FOXP1: variants seen among roughly 807,000 people sequenced by gnomAD.
The protein encoded by FOXP1 is forkhead box P1, also known as forkhead box protein P1.
FOXP1 carries 15 observed loss-of-function variants against 98.2 expected under a neutral mutation model. The observed-to-expected ratio is 0.15, with a 90% CI of 0.10 to 0.24. The LOEUF (loss-of-function observed/expected upper bound fraction) is 0.24, where lower values mean the gene tolerates loss of function less well. Ranked by LOEUF, FOXP1 falls within the 10% of genes least tolerant of loss-of-function variation. The pLI, the probability that FOXP1 is intolerant of heterozygous loss-of-function variation, is 1.00. For synonymous variants in FOXP1, 371 were observed against 314.5 expected, an observed-to-expected ratio of 1.18 and a Z score of -1.90; for missense variants, 633 against 848.5, an observed-to-expected ratio of 0.75 and a Z score of 3.15.
chr3:71,009,413 T>C (rs193075339), intron 12 of FOXP1, among the ~76,000 whole-genome samples: 314 of 152,206 alleles, frequency 2.1e-3, no homozygotes, highest in African/African-American at 7.2e-3. Flanking sequence ...CTAAGTCGAG[T>C]TGCTGTGACA....
chr3:71,105,328 T>C (rs2057338373), intron 7 of FOXP1, among the ~76,000 whole-genome samples: 1 of 152,172 alleles, frequency 6.6e-6, no homozygotes, highest in Admixed American at 6.5e-5. Context: ...ATTAGTTACC[T>C]GGGGCTGCAA....
chr3:71,490,869 G>A (rs2091012619), intron 3 of FOXP1, among the ~76,000 whole-genome samples: 1 of 152,166 alleles, frequency 6.6e-6, no homozygotes, highest in East Asian at 1.9e-4. Flanking sequence ...ACCAAAGACA[G>A]AGATGACAGG....
intron 5 of FOXP1, among the ~76,000 whole-genome samples, chr3:71,248,809 ATAGT>A (rs1245363136): frequency 6.6e-6 from 1 of 152,072 alleles, no homozygotes; most frequent in Non-Finnish European, 1.5e-5. Flanking sequence ...CAGGCTCCTC[ATAGT>A]TATGGTTCAG....
In FOXP1 at chr3:71,027,995, C is replaced by T. The variant is rs115322742; in HGVS notation, c.870-12342G>A. ...GAACAGATGGCTGGAACATAAAGTA[C>T]TGTAACATTTGATCTGGGCCTTAAC... On this transcript the variant is annotated intron_variant, in intron 11 of 20. Transcript: ENST00000649528. Among the ~76,000 whole-genome samples the T allele has an allele frequency of 4.9e-3, 741 of 152,146 alleles. 9 individuals carry two copies. Among genetic ancestry groups the T allele is most frequent in the African/African-American group, 0.017 (694 of 41,486 alleles).
At chr3:71,523,463 T>C (rs944099415) in intron 2 of FOXP1, among the ~76,000 whole-genome samples, 1 of 152,088 alleles carries the variant, frequency 6.6e-6, no homozygotes, top group Non-Finnish European at 1.5e-5. Flanking sequence ...TTAAGACAAA[T>C]TGTACGTATT....
chr3:71,103,733 T>C (rs1270283602), intron 7 of FOXP1, among the ~76,000 whole-genome samples: 1 of 151,872 alleles, frequency 6.6e-6, no homozygotes, highest in Non-Finnish European at 1.5e-5. Flanking sequence ...GAAAAAACAG[T>C]AGTTAAAAAA....
chr3:71,354,403 A>G (rs916565980), intron 4 of FOXP1, among the ~76,000 whole-genome samples: 1 of 152,228 alleles, frequency 6.6e-6, no homozygotes, highest in Admixed American at 6.5e-5. Flanking sequence ...AAGAAGGCGT[A>G]CAGACACTGC....
At position 71,425,252 on chromosome 3, in the gene FOXP1, A is replaced by T. The variant is rs559230188; in HGVS notation, c.-167-66008T>A. On this transcript the variant is annotated intron_variant, in intron 3 of 20. Transcript: ENST00000649528. ...TGTCTCAGCCTCCTGCGTAGCTGGG[A>T]TTACAGGCATGTGCCACCACACCCG... 2.0e-5 allele frequency among the ~76,000 whole-genome samples: 3 copies of T among 152,280 alleles called. No individual in the cohort carries two copies. The South Asian group carries it at 6.2e-4, about 32-fold the overall frequency.
At chr3:71,201,639 CG>C (rs1380203775) in intron 5 of FOXP1, among the ~76,000 whole-genome samples, 1 of 145,816 alleles carries the variant, frequency 6.9e-6, no homozygotes, top group Non-Finnish European at 1.5e-5. Context: ...AAAAAGGGGG[CG>C]GGGAGAGGGA....
chr3:71,247,929 T>G (rs968076520), intron 5 of FOXP1, among the ~76,000 whole-genome samples: 1 of 152,186 alleles, frequency 6.6e-6, no homozygotes, highest in Non-Finnish European at 1.5e-5. Context: ...AGGCTGTCCT[T>G]CTGCTGGCTT....
chr3:71,310,532 GAAT>G (rs1317425807), intron 4 of FOXP1, among the ~76,000 whole-genome samples: 4 of 152,244 alleles, frequency 2.6e-5, no homozygotes, highest in Non-Finnish European at 5.9e-5. Context: ...TTCTCAGTCA[GAAT>G]TAAGGTCTGC....
chr3:71,260,301 G>A (rs572979729), intron 5 of FOXP1, among the ~76,000 whole-genome samples: 30 of 152,130 alleles, frequency 2.0e-4, no homozygotes, highest in Admixed American at 1.8e-3. Flanking sequence ...CTAATACGTA[G>A]GGAAGGCTCG....
At chr3:71,035,352 T>G (rs2106756223) in intron 11 of FOXP1, among the ~76,000 whole-genome samples, 1 of 152,238 alleles carries the variant, frequency 6.6e-6, no homozygotes. Flanking sequence ...AGGCTAATGG[T>G]GAAGGTCAGG....
intron 3 of FOXP1, among the ~76,000 whole-genome samples, chr3:71,400,150 A>G (rs892797639): frequency 6.6e-6 from 1 of 152,152 alleles, no homozygotes; most frequent in Admixed American, 6.5e-5. Flanking sequence ...TTAAAAAAAA[A>G]TTTTGGCAAG....
intron 11 of FOXP1, among the ~76,000 whole-genome samples, chr3:71,036,534 T>C (rs1448034760): frequency 6.6e-6 from 1 of 152,060 alleles, no homozygotes; most frequent in Non-Finnish European, 1.5e-5. Context: ...AAAGCTGGGA[T>C]GAGAAAAAAG....
chr3:71,053,555 T>C (rs2050196743), intron 8 of FOXP1, 81 bp downstream of exon 8: 5 of 1,550,792 alleles, frequency 3.2e-6, no homozygotes, highest in Admixed American at 3.3e-5. Flanking sequence ...GCTGCTCTGG[T>C]GGAGGGGAGA....
chr3:71,416,126 T>G (rs1346298352), intron 3 of FOXP1, among the ~76,000 whole-genome samples: 1 of 152,126 alleles, frequency 6.6e-6, no homozygotes. Flanking sequence ...CTTTTGGAGC[T>G]GGGGAGAAGA....
At chr3:71,182,919 A>G (rs534377134) in intron 6 of FOXP1, among the ~76,000 whole-genome samples, 1 of 151,758 alleles carries the variant, frequency 6.6e-6, no homozygotes, top group African/African-American at 2.4e-5. Context: ...TGTTGCTTTT[A>G]GGTTTTTCCC....
intron 5 of FOXP1, chr3:71,210,867 G>C (rs1350388248): frequency 6.6e-6 from 1 of 152,180 alleles, no homozygotes; most frequent in Non-Finnish European, 1.5e-5. Flanking sequence ...CTGCACTTCA[G>C]CTCTTGTCCA....
Sources: allele counts gnomAD v4.1 joint callset (sites outside exome capture counted in the v4.1 genomes callset), GRCh38; gene constraint gnomAD v4.1.1; transcripts MANE v1.5; gene names NCBI Gene and HGNC (gene_info 2026-07-23, HGNC 2026-07-21).